The following DIAPH1 variants were observed in gnomAD, a reference collection of about 807,000 sequenced individuals.
DIAPH1 encodes the protein diaphanous related formin 1, also known as protein diaphanous homolog 1.
DIAPH1 carries 46 observed loss-of-function variants against 140.7 expected under a neutral mutation model. The ratio of observed to expected loss-of-function variants is 0.33; its 90% CI spans 0.26 to 0.42. The LOEUF is 0.42. Among genes scored for constraint, DIAPH1 ranks in the 10% least tolerant of loss-of-function variants. DIAPH1 has a pLI of 1.00. For missense variants in DIAPH1, 1,310 were observed against 1,558.7 expected, an observed-to-expected ratio of 0.84 and a Z score of 2.69; for synonymous variants, 565 against 551.6, an observed-to-expected ratio of 1.02 and a Z score of -0.34.
intron 19 of DIAPH1, among the ~76,000 whole-genome samples, chr5:141,529,901 T>C (rs2099887944): frequency 6.6e-6 from 1 of 151,914 alleles, no homozygotes; most frequent in African/African-American, 2.4e-5. Flanking sequence ...CTAGGCAACA[T>C]GGGGAAACCT....
At chr5:141,593,004 G>A (rs2099898731) in intron 1 of DIAPH1, among the ~76,000 whole-genome samples, 1 of 152,148 alleles carries the variant, frequency 6.6e-6, no homozygotes, top group Non-Finnish European at 1.5e-5. Flanking sequence ...CTACAAGGTT[G>A]GGAAGAACAA....
At chr5:141,576,671 C>A in intron 13 of DIAPH1, 85 bp downstream of exon 13, 1 of 982,082 alleles carries the variant, frequency 1.0e-6, no homozygotes, top group Non-Finnish European at 1.6e-6. Context: ...GGAAAGGTAT[C>A]TTCTCTGACA....
intron 1 of DIAPH1, among the ~76,000 whole-genome samples, chr5:141,606,626 C>A (rs1213874330): frequency 3.3e-5 from 5 of 152,168 alleles, no homozygotes; most frequent in Middle Eastern, 3.4e-3. Flanking sequence ...AACTCCTGGC[C>A]TCAGGTGATC....
At chr5:141,587,977 G>A (rs1184216964) in intron 2 of DIAPH1, among the ~76,000 whole-genome samples, 1 of 152,198 alleles carries the variant, frequency 6.6e-6, no homozygotes, top group Non-Finnish European at 1.5e-5. Flanking sequence ...AGTGATATGA[G>A]TGGCATTCAG....
At chr5:141,617,291 T>G (rs1175955943) in intron 1 of DIAPH1, among the ~76,000 whole-genome samples, 1 of 148,388 alleles carries the variant, frequency 6.7e-6, no homozygotes, top group African/African-American at 2.5e-5. Context: ...CTTAACCTTA[T>G]ATTTCTAGGG....
At chr5:141,618,705 C>G (rs2099903109) in intron 1 of DIAPH1, 93 bp downstream of exon 1, 2 of 876,566 alleles carry the variant, frequency 2.3e-6, no homozygotes, top group Non-Finnish European at 3.6e-6. Context: ...GGGGGCGGCT[C>G]CCCAAAGCCG....
intron 8 of DIAPH1, 62 bp from the exon 9 acceptor site, chr5:141,579,258 G>A: frequency 7.3e-6 from 9 of 1,229,180 alleles, no homozygotes; most frequent in South Asian, 2.4e-5. Context: ...CACGTATAAT[G>A]AGTAAATTAC....
rs1285520565 is a variant in DIAPH1, at chr5:141,591,947, T to C, written c.118-3697A>G. On this transcript the variant is annotated intron_variant, in intron 1 of 27. Transcript: ENST00000389054. ...AAATACAAAAATTAGACGGGTGTGG[T>C]GGCGCCTGCCTGTAATCCTAGCTAC... Among the ~76,000 whole-genome samples, 5 of 149,612 alleles carry C rather than the reference T, an allele frequency of 3.3e-5. No homozygotes were observed. In the South Asian group the frequency reaches 8.5e-4, roughly 25 times the overall value.
Position 141,528,523 on chromosome 5 carries a change from C to G in DIAPH1, c.3078G>C (p.Leu1026Phe), listed in dbSNP as rs2099887728. Residue 1026 changes from leucine (L) to phenylalanine (F), a missense_variant, in exon 23 of 28, where the codon TTG (leucine) becomes TTC (phenylalanine). Around this residue, in one of 3 missense-constraint regions of DIAPH1, gnomAD observed 344 missense variants for 512.2 expected, o/e 0.67. Coordinates refer to ENST00000389054, the MANE Select transcript of DIAPH1 (RefSeq NM_005219.5). ...KMTLLHFLAE[L>F]CENDYPDVLK... Reference sequence around the variant, plus strand: ...GGACATCGGGATAGTCATTCTCACACAACTCAGCCAAGAAGTGTAACAACG... The same window carrying G: ...GGACATCGGGATAGTCATTCTCACAGAACTCAGCCAAGAAGTGTAACAACG... 35 of 1,614,124 alleles carry G rather than the reference C, an allele frequency of 2.2e-5. No individual in the cohort carries two copies. The highest frequency in any genetic ancestry group is 3.0e-5 in the Non-Finnish European group (35 of 1,180,054).
chr5:141,583,473 C>G lies in DIAPH1; in HGVS notation c.533+12G>C. On this transcript the variant is annotated intron_variant, in intron 5 of 27. Coordinates refer to ENST00000389054, the MANE Select transcript of DIAPH1 (RefSeq NM_005219.5). ...TTGGCTCCTACTCCTGTTACCTCCT[C>G]AGAATCCTCACCTGACAGGGTTGTT... 1.2e-6 allele frequency: 2 copies of G among 1,614,214 alleles called. No homozygotes were observed. The highest frequency in any genetic ancestry group is 1.7e-6 in the Non-Finnish European group (2 of 1,180,038).
Position 141,529,121 on chromosome 5 carries a change from G to T in DIAPH1, c.2778+51C>A. The T allele has an allele frequency of 2.6e-6, 4 of 1,568,186 alleles. No homozygotes were observed. The Admixed American group carries it at 6.7e-5, about 26-fold the overall frequency. ...TATGCCCAGGCTGCTCTCTAGAGGGGAGGGGAATACAGGAGGTGGAAAACC... is the reference window on the plus strand; with the variant it reads ...TATGCCCAGGCTGCTCTCTAGAGGGTAGGGGAATACAGGAGGTGGAAAACC... On this transcript the variant is annotated intron_variant, in intron 21 of 27. Coordinates refer to ENST00000389054, the MANE Select transcript of DIAPH1 (RefSeq NM_005219.5).
At chr5:141,529,419 A>C in intron 20 of DIAPH1, 146 bp from the exon 21 acceptor site, 1 of 893,078 alleles carries the variant, frequency 1.1e-6, no homozygotes. Context: ...GCAGCTACTG[A>C]GATGGGGGTA....
chr5:141,572,026 G>C lies in DIAPH1; in HGVS notation c.2373C>G (p.Asp791Glu), dbSNP rs756608855. 1 of 1,613,740 alleles carries C rather than the reference G, an allele frequency of 6.2e-7. No individual in the cohort carries two copies. Among genetic ancestry groups the C allele is most frequent in the Admixed American group, 1.7e-5 (1 of 60,014 alleles). ...RPNWSKLVAEDLSQDCFWTKV... is the reference protein window; with the variant it reads ...RPNWSKLVAEELSQDCFWTKV... ...TTGTCCAGAAGCAGTCCTGGGAGAG[G>C]TCCTCAGCCACAAGCTGTGGATAAA... Residue 791 changes from aspartate (D) to glutamate (E), a missense_variant, in exon 17 of 28, where the codon GAC becomes GAG. By Grantham distance (45) the Asp-to-Glu change is conservative (BLOSUM62 2). This residue lies in a region of DIAPH1 where 589 missense variants were observed against 549.3 expected (regional missense o/e 1.07). Transcript: ENST00000389054.
chr5:141,538,252 G>C (rs1352402563), intron 18 of DIAPH1, among the ~76,000 whole-genome samples: 1 of 151,742 alleles, frequency 6.6e-6, no homozygotes, highest in Non-Finnish European at 1.5e-5. Flanking sequence ...AGTAGAGACA[G>C]GGTTTCACTG....
At chr5:141,605,109 C>A (rs1251966161) in intron 1 of DIAPH1, among the ~76,000 whole-genome samples, 1 of 152,038 alleles carries the variant, frequency 6.6e-6, no homozygotes, top group Non-Finnish European at 1.5e-5. Context: ...AAATTAATTT[C>A]TGAAAAACAA....
chr5:141,561,828 G>C (rs1264638168), intron 18 of DIAPH1: 1 of 152,150 alleles, frequency 6.6e-6, no homozygotes, highest in Non-Finnish European at 1.5e-5. Flanking sequence ...CTAATACATG[G>C]AACAGTTACA....
At position 141,555,150 on chromosome 5, in the gene DIAPH1, T is replaced by C. The variant is rs144256308; in HGVS notation, c.2482+16278A>G. Among the ~76,000 whole-genome samples, 39 of 152,282 alleles carry C rather than the reference T, an allele frequency of 2.6e-4. No homozygotes were observed. The East Asian group carries it at 5.8e-3, about 23-fold the overall frequency. On this transcript the variant is annotated intron_variant, in intron 18 of 27. Transcript: ENST00000389054. ...ACACGTCCCCCTCTGATTACAACCATGTAAATGCTATATATACAGCACAGG... is the reference window on the plus strand; with the variant it reads ...ACACGTCCCCCTCTGATTACAACCACGTAAATGCTATATATACAGCACAGG...
chr5:141,601,461 T>C (rs1300632091), intron 1 of DIAPH1, among the ~76,000 whole-genome samples: 2 of 152,084 alleles, frequency 1.3e-5, no homozygotes, highest in Admixed American at 1.3e-4. Context: ...CTAACTTTTC[T>C]ATTTTTTTAG....
At chr5:141,584,743 A>G (rs1340803486) in intron 3 of DIAPH1, among the ~76,000 whole-genome samples, 1 of 152,230 alleles carries the variant, frequency 6.6e-6, no homozygotes, top group Non-Finnish European at 1.5e-5. Flanking sequence ...CCCCTGACAG[A>G]CATAATCTGA....
Sources: gnomAD v4.1 joint callset for allele counts (sites outside exome capture counted in the v4.1 genomes callset) on GRCh38, gnomAD v4.1.1 for gene constraint, gnomAD v4.1.1 regional missense constraint, MANE v1.5 for transcripts, NCBI Gene and HGNC (gene_info 2026-07-23, HGNC 2026-07-21) for gene names.